GRID2: variants seen among roughly 807,000 people sequenced by gnomAD.
GRID2 encodes glutamate receptor ionotropic, delta-2.
Under a neutral mutation model 114.8 loss-of-function variants are expected in GRID2, and 33 were observed. The ratio of observed to expected loss-of-function variants is 0.29; its 90% CI spans 0.22 to 0.38. The LOEUF (loss-of-function observed/expected upper bound fraction) is 0.38. Among genes scored for constraint, GRID2 ranks in the 10% least tolerant of loss-of-function variants. The pLI is 1.00. For missense variants in GRID2, 1,184 were observed against 1,257.7 expected (o/e 0.94, Z 0.89); for synonymous variants, 505 against 449.9 (o/e 1.12, Z -1.55).
At chr4:93,283,475 C>T (rs567547068) in intron 8 of GRID2, among the ~76,000 whole-genome samples, 6 of 152,062 alleles carry the variant, frequency 3.9e-5, no homozygotes, top group African/African-American at 1.4e-4. Flanking sequence ...ATTACAAATT[C>T]CTGAATACAC....
intron 10 of GRID2, among the ~76,000 whole-genome samples, chr4:93,435,358 A>G (rs897234399): frequency 6.6e-6 from 1 of 152,160 alleles, no homozygotes; most frequent in Admixed American, 6.6e-5. Flanking sequence ...TTTATATAAA[A>G]TGTTTTTATC....
chr4:93,144,850 TAA>T (rs1186774001), intron 4 of GRID2, among the ~76,000 whole-genome samples: 2 of 152,140 alleles, frequency 1.3e-5, no homozygotes, highest in Non-Finnish European at 2.9e-5. Context: ...GGAGTACCCA[TAA>T]AAAGCAACAT....
intron 1 of GRID2, among the ~76,000 whole-genome samples, chr4:92,398,302 A>ATTT (rs1460122647): frequency 1.9e-4 from 29 of 152,148 alleles, no homozygotes; most frequent in South Asian, 4.1e-4. Context: ...TATTATTATT[A>ATTT]TTATTAATTT....
chr4:93,017,807 A>G (rs774792953), intron 2 of GRID2, among the ~76,000 whole-genome samples: 14 of 133,528 alleles, frequency 1.0e-4, no homozygotes, highest in Admixed American at 3.7e-4. Flanking sequence ...CCTTTTCAAG[A>G]AAAAAAAAAA....
At position 93,589,387 on chromosome 4, in the gene GRID2, A is replaced by C. The variant is rs529405642; in HGVS notation, c.2194-36882A>C. ...TCCCTACAAAGGACATGAACTCATC[A>C]TTTTTTATGGCTGCATAGTATTCCA... On this transcript the variant is annotated intron_variant, in intron 13 of 15. Transcript: ENST00000282020. 1.7e-4 allele frequency among the ~76,000 whole-genome samples: 26 copies of C among 151,746 alleles called. No individual in the cohort carries two copies. In the South Asian group the frequency reaches 5.2e-3, roughly 30 times the overall value.
chr4:93,497,557 C>A (rs545228700), intron 12 of GRID2, among the ~76,000 whole-genome samples: 1 of 151,766 alleles, frequency 6.6e-6, no homozygotes, highest in East Asian at 2.0e-4. Flanking sequence ...CGTTTAGGTT[C>A]AATTTTTCAC....
rs75438846 is a variant in GRID2 at position 93,313,426 on chromosome 4, A to G, written c.1245+74936A>G. The stretch of plus-strand genomic sequence containing the variant: ...GGAATAATGCCAGTTGAAATGACTA[A>G]GTGTGTCTTTTCTATACATCCACAA... On this transcript the variant is annotated intron_variant, in intron 8 of 15. Transcript: ENST00000282020. 2.9e-4 allele frequency among the ~76,000 whole-genome samples: 44 copies of G among 152,312 alleles called. 1 individual carries two copies. In the East Asian group the frequency reaches 8.5e-3, roughly 29 times the overall value.
chr4:92,640,401 A>G (rs1318112362), intron 2 of GRID2, among the ~76,000 whole-genome samples: 1 of 151,902 alleles, frequency 6.6e-6, no homozygotes, highest in Non-Finnish European at 1.5e-5. Context: ...CTACTGAAGA[A>G]ATGTTCCACT....
chr4:93,333,469 A>T (rs998251772), intron 8 of GRID2, among the ~76,000 whole-genome samples: 1 of 152,188 alleles, frequency 6.6e-6, no homozygotes, highest in Non-Finnish European at 1.5e-5. Context: ...CCCACCATAC[A>T]TTTTTTTAAA....
At chr4:93,142,695 T>G (rs1484594139) in intron 4 of GRID2, among the ~76,000 whole-genome samples, 1 of 152,204 alleles carries the variant, frequency 6.6e-6, no homozygotes, top group Non-Finnish European at 1.5e-5. Context: ...TAAACAAGAC[T>G]TATTTTTCAT....
At chr4:92,859,083 A>G (rs746581399) in intron 2 of GRID2, among the ~76,000 whole-genome samples, 3 of 152,154 alleles carry the variant, frequency 2.0e-5, no homozygotes, top group Admixed American at 1.3e-4. Context: ...CTACAGAGAA[A>G]TCTTTTGTGA....
At chr4:92,819,765 TA>T (rs1459327624) in intron 2 of GRID2, among the ~76,000 whole-genome samples, 4 of 152,170 alleles carry the variant, frequency 2.6e-5, no homozygotes, top group Non-Finnish European at 4.4e-5. Context: ...ATGCTTAAAA[TA>T]TTTTTTTTCT....
At chr4:92,304,862 T>C in intron 1 of GRID2, 118 bp downstream of exon 1, 2 of 746,794 alleles carry the variant, frequency 2.7e-6, no homozygotes, top group East Asian at 2.5e-5. Flanking sequence ...CTTCAGTTCA[T>C]TGCCCCTTCC....
intron 2 of GRID2, among the ~76,000 whole-genome samples, chr4:92,680,537 G>A (rs1413962243): frequency 1.3e-5 from 2 of 152,166 alleles, no homozygotes; most frequent in Non-Finnish European, 2.9e-5. Flanking sequence ...ATTTTCATCA[G>A]CTGCGGAAGC....
intron 2 of GRID2, among the ~76,000 whole-genome samples, chr4:93,014,170 A>G (rs1722459651): frequency 6.6e-6 from 1 of 152,088 alleles, no homozygotes. Context: ...GGCTGCTATG[A>G]CAAAATACCA....
At chr4:93,744,151 G>T (rs996361168) in intron 14 of GRID2, among the ~76,000 whole-genome samples, 1 of 152,210 alleles carries the variant, frequency 6.6e-6, no homozygotes, top group Non-Finnish European at 1.5e-5. Context: ...CATTGGCAAT[G>T]CACCTGGTCA....
chr4:93,010,969 G>A (rs1179908509), intron 2 of GRID2, among the ~76,000 whole-genome samples: 1 of 151,716 alleles, frequency 6.6e-6, no homozygotes, highest in Non-Finnish European at 1.5e-5. Flanking sequence ...TTGCTGCTGA[G>A]TTTGTTTTTC....
At chr4:92,571,853 A>T (rs1040291563) in intron 1 of GRID2, among the ~76,000 whole-genome samples, 2 of 152,214 alleles carry the variant, frequency 1.3e-5, no homozygotes, top group African/African-American at 4.8e-5. Flanking sequence ...AAGACATAAC[A>T]TACCAGAATC....
chr4:92,793,566 A>G (rs1284690166), intron 2 of GRID2, among the ~76,000 whole-genome samples: 1 of 151,854 alleles, frequency 6.6e-6, no homozygotes, highest in African/African-American at 2.4e-5. Context: ...AAAAAAAAGA[A>G]AATAGTTGAA....
Sources: allele counts gnomAD v4.1 joint callset (sites outside exome capture counted in the v4.1 genomes callset), GRCh38; gene constraint gnomAD v4.1.1; transcripts MANE v1.5; gene names NCBI Gene and HGNC (gene_info 2026-07-23, HGNC 2026-07-21).